Variants in KHDRBS2 observed in about 807,000 individuals in gnomAD.
The protein encoded by KHDRBS2 is KH domain-containing, RNA-binding, signal transduction-associated protein 2.
KHDRBS2 carries 26 observed loss-of-function variants against 44.3 expected under a neutral mutation model. The ratio of observed to expected loss-of-function variants is 0.59; its 90% confidence interval spans 0.43 to 0.81. The LOEUF is 0.81. Among genes scored for constraint, KHDRBS2 ranks in the 40% least tolerant of loss-of-function variants. The pLI is 0.00. For missense variants in KHDRBS2, 476 were observed against 433.1 expected (o/e 1.10, Z -0.88); for synonymous variants, 194 against 151.1 (o/e 1.28, Z -2.08).
At chr6:61,612,426 G>C in the KHDRBS2 span, among the ~76,000 whole-genome samples, 3 of 152,144 alleles carry the variant, frequency 2.0e-5, no homozygotes, top group Non-Finnish European at 4.4e-5. Context: ...TTCCCAACCA[G>C]CTCAATATTG....
intron 4 of KHDRBS2, among the ~76,000 whole-genome samples, chr6:61,957,133 A>G (rs1166305085): frequency 6.6e-6 from 1 of 152,176 alleles, no homozygotes; most frequent in Admixed American, 6.5e-5. Flanking sequence ...CACTTCCCCA[A>G]TCAATACCCT....
At chr6:61,722,715 ATT>A (rs11327085) in intron 7 of KHDRBS2, among the ~76,000 whole-genome samples, 45 of 146,434 alleles carry the variant, frequency 3.1e-4, no homozygotes, top group East Asian at 4.1e-4. Flanking sequence ...ATATATTTCT[ATT>A]TTTTTTTTTT....
chr6:62,195,475 G>A (rs1448486950), intron 1 of KHDRBS2, among the ~76,000 whole-genome samples: 1 of 152,064 alleles, frequency 6.6e-6, no homozygotes, highest in African/African-American at 2.4e-5. Flanking sequence ...TAAGGAAGAA[G>A]CAATGGCTGA....
At chr6:61,833,830 CA>C (rs1792218377) in intron 6 of KHDRBS2, among the ~76,000 whole-genome samples, 1 of 152,120 alleles carries the variant, frequency 6.6e-6, no homozygotes, top group African/African-American at 2.4e-5. Flanking sequence ...GCAATTCTTA[CA>C]ATTTCTTTAA....
At chr6:62,091,497 A>G (rs1584637909) in intron 2 of KHDRBS2, among the ~76,000 whole-genome samples, 1 of 152,200 alleles carries the variant, frequency 6.6e-6, no homozygotes, top group East Asian at 1.9e-4. Flanking sequence ...CAGTGATTGT[A>G]GTTGTTGACA....
At chr6:61,722,313 T>C (rs1305866858) in intron 7 of KHDRBS2, among the ~76,000 whole-genome samples, 2 of 152,188 alleles carry the variant, frequency 1.3e-5, no homozygotes, top group Non-Finnish European at 2.9e-5. Context: ...TTCTGATTCA[T>C]TTGAAATTTT....
intron 6 of KHDRBS2, among the ~76,000 whole-genome samples, chr6:61,784,254 T>C (rs1316622211): frequency 6.6e-6 from 1 of 151,752 alleles, no homozygotes; most frequent in Non-Finnish European, 1.5e-5. Flanking sequence ...TAGCTTCTCA[T>C]TAAGCATATG....
intron 6 of KHDRBS2, among the ~76,000 whole-genome samples, chr6:61,757,365 G>T (rs531487698): frequency 1.3e-4 from 20 of 152,156 alleles, no homozygotes; most frequent in Admixed American, 6.5e-5. Flanking sequence ...ATGTGTAGGG[G>T]TTCCAGTTTT....
chr6:61,600,440 G>A, the KHDRBS2 span, among the ~76,000 whole-genome samples: 6 of 151,888 alleles, frequency 4.0e-5, no homozygotes, highest in Non-Finnish European at 7.4e-5. Context: ...TGTGAACCCC[G>A]CCCCTGCCAG....
the KHDRBS2 span, among the ~76,000 whole-genome samples, chr6:61,582,877 G>T: frequency 2.6e-5 from 4 of 151,406 alleles, no homozygotes; most frequent in East Asian, 5.8e-4. Context: ...ATGTATTCTT[G>T]CTATAAGTCT....
At chr6:61,681,372 G>A (rs1766274952) in intron 8 of KHDRBS2, among the ~76,000 whole-genome samples, 1 of 151,844 alleles carries the variant, frequency 6.6e-6, no homozygotes, top group African/African-American at 2.4e-5. Context: ...GAAACCAGTA[G>A]TCCTTAGCCC....
At chr6:62,057,813 A>T (rs1790643417) in intron 2 of KHDRBS2, among the ~76,000 whole-genome samples, 1 of 151,948 alleles carries the variant, frequency 6.6e-6, no homozygotes, top group African/African-American at 2.4e-5. Flanking sequence ...GCTTGTCATT[A>T]AACAGTTGTT....
At chr6:61,852,130 G>A (rs1024290925) in intron 6 of KHDRBS2, among the ~76,000 whole-genome samples, 4 of 152,050 alleles carry the variant, frequency 2.6e-5, no homozygotes, top group Admixed American at 1.3e-4. Flanking sequence ...GCTGAGGCAG[G>A]AGAATCACTT....
intron 7 of KHDRBS2, among the ~76,000 whole-genome samples, chr6:61,723,910 A>G (rs1773119693): frequency 6.6e-6 from 1 of 152,188 alleles, no homozygotes; most frequent in East Asian, 1.9e-4. Context: ...ATCCAGAAGA[A>G]CTTCCCCAAC....
chr6:62,241,640 C>T (rs545169911), intron 1 of KHDRBS2, among the ~76,000 whole-genome samples: 3 of 151,996 alleles, frequency 2.0e-5, no homozygotes, highest in Admixed American at 1.3e-4. Flanking sequence ...CTCGGTTTCA[C>T]CATTAACTAA....
At chr6:61,551,301 T>C in the KHDRBS2 span, among the ~76,000 whole-genome samples, 1 of 152,314 alleles carries the variant, frequency 6.6e-6, no homozygotes, top group Non-Finnish European at 1.5e-5. Flanking sequence ...AAATATTTTT[T>C]CCCATTTTGT....
chr6:61,651,215 G>T, the KHDRBS2 span, among the ~76,000 whole-genome samples: 2 of 152,088 alleles, frequency 1.3e-5, no homozygotes, highest in African/African-American at 4.8e-5. Context: ...GGGACAGAGT[G>T]AGCATTCCTT....
the KHDRBS2 span, among the ~76,000 whole-genome samples, chr6:61,650,901 A>T: frequency 6.6e-6 from 1 of 152,066 alleles, no homozygotes; most frequent in African/African-American, 2.4e-5. Context: ...AATATCTGAG[A>T]ATCCTGACTT....
At chr6:61,923,574 C>A (rs1278566396) in intron 4 of KHDRBS2, among the ~76,000 whole-genome samples, 1 of 151,750 alleles carries the variant, frequency 6.6e-6, no homozygotes, top group Non-Finnish European at 1.5e-5. Context: ...AAATGAAAAA[C>A]CACATAATAA....
Sources: gnomAD v4.1 joint callset for allele counts (sites outside exome capture counted in the v4.1 genomes callset) on GRCh38, gnomAD v4.1.1 for gene constraint, MANE v1.5 for transcripts, NCBI Gene and HGNC (gene_info 2026-07-23, HGNC 2026-07-21) for gene names.